The following CACNB4 variants were observed in gnomAD, a reference collection of about 807,000 sequenced individuals.
The protein encoded by CACNB4 is voltage-dependent L-type calcium channel subunit beta-4.
A neutral mutation model predicts 71.2 loss-of-function variants in CACNB4; 32 were observed. That is an observed-to-expected ratio of 0.45 (90% confidence interval 0.34 to 0.60). The LOEUF is 0.60. Ranked by LOEUF, CACNB4 falls within the 20% of genes least tolerant of loss-of-function variation. CACNB4 has a pLI of 0.01. For missense variants in CACNB4, 464 were observed against 647.9 expected (o/e 0.72, Z 3.08); for synonymous variants, 231 against 236.9 (o/e 0.97, Z 0.23).
At chr2:151,926,986 T>C (rs555180512) in intron 2 of CACNB4, among the ~76,000 whole-genome samples, 3 of 152,334 alleles carry the variant, frequency 2.0e-5, no homozygotes, top group South Asian at 4.1e-4. Flanking sequence ...TTTTGATCAG[T>C]ATATTAATAT....
At chr2:152,035,757 C>T (rs2946624) in intron 2 of CACNB4, among the ~76,000 whole-genome samples, 150,858 of 151,738 alleles carry the variant, frequency 0.99, 75,003 homozygotes, top group Middle Eastern at 1. Context: ...CCAACAGACA[C>T]TTCTCAAGCT....
chr2:151,982,441 G>C (rs1045342321), intron 2 of CACNB4, among the ~76,000 whole-genome samples: 19 of 151,956 alleles, frequency 1.3e-4, no homozygotes, highest in Non-Finnish European at 2.9e-5. Context: ...AGACCATCCT[G>C]GCTAACACAG....
chr2:151,922,926 G>T (rs2099859327), intron 2 of CACNB4, among the ~76,000 whole-genome samples: 1 of 152,170 alleles, frequency 6.6e-6, no homozygotes, highest in Non-Finnish European at 1.5e-5. Flanking sequence ...ACCTCAAGTT[G>T]GAATCTCTCT....
intron 2 of CACNB4, among the ~76,000 whole-genome samples, chr2:151,886,901 T>C (rs1034325164): frequency 1.3e-5 from 2 of 152,062 alleles, no homozygotes; most frequent in Non-Finnish European, 2.9e-5. Context: ...AAAGGATCTG[T>C]GTTATTTACA....
chr2:152,060,673 A>G (rs1685959502), intron 2 of CACNB4, among the ~76,000 whole-genome samples: 1 of 152,258 alleles, frequency 6.6e-6, no homozygotes, highest in African/African-American at 2.4e-5. Flanking sequence ...ATCAGCATCA[A>G]GAAAATATAA....
chr2:152,076,237 G>T (rs1338679449), intron 2 of CACNB4, among the ~76,000 whole-genome samples: 2 of 143,000 alleles, frequency 1.4e-5, no homozygotes, highest in Non-Finnish European at 3.0e-5. Flanking sequence ...CTGCCTCCCA[G>T]GTACAAGCAA....
intron 2 of CACNB4, among the ~76,000 whole-genome samples, chr2:152,070,009 A>AT (rs951395509): frequency 6.6e-6 from 1 of 151,658 alleles, no homozygotes. Context: ...CGCCTGGCTA[A>AT]TTTTTTTGTA....
At chr2:151,974,958 G>A (rs562095750) in intron 2 of CACNB4, among the ~76,000 whole-genome samples, 1 of 152,312 alleles carries the variant, frequency 6.6e-6, no homozygotes, top group South Asian at 2.1e-4. Context: ...GACTGACTGG[G>A]TAAGTAATGA....
intron 2 of CACNB4, chr2:151,972,704 TTG>T (rs1306106937): frequency 3.5e-5 from 5 of 143,008 alleles, no homozygotes; most frequent in African/African-American, 1.3e-4. Context: ...TTTTTGTTTT[TTG>T]TTTTTTTTTT....
rs1031674541 is a variant in CACNB4, at chr2:151,838,886, T to C, written c.*233A>G. 1.5e-5 allele frequency: 6 copies of C among 397,090 alleles called. No individual in the cohort carries two copies. Among genetic ancestry groups the C allele is most frequent in the Non-Finnish European group, 1.8e-5 (4 of 221,022 alleles). The allele number at this position is 397,090 out of a possible 1,614,324, so 24.6% of individuals were successfully genotyped here. On this transcript the variant is annotated 3_prime_UTR_variant, in exon 14 of 14. Transcript: ENST00000539935. The stretch of plus-strand genomic sequence containing the variant: ...AATCTATGAAGAAAACAAAATGTAC[T>C]GTTATCATGTAAATGTTGCACTTAA...
intron 9 of CACNB4, chr2:151,861,854 A>AAAAAAAAAAAAAAAAAAAAC (rs1559883066): frequency 6.7e-6 from 1 of 150,114 alleles, no homozygotes; most frequent in African/African-American, 2.5e-5. Context: ...AAAAAAAAAA[A>AAAAAAAAAAAAAAAAAAAAC]AAAACTGAAG....
chr2:151,914,889 C>A (rs1264195249), intron 2 of CACNB4, among the ~76,000 whole-genome samples: 1 of 152,200 alleles, frequency 6.6e-6, no homozygotes. Flanking sequence ...GAGGCACCAA[C>A]CTGATGCCAG....
At chr2:151,952,364 G>A (rs112305492) in intron 2 of CACNB4, among the ~76,000 whole-genome samples, 518 of 152,212 alleles carry the variant, frequency 3.4e-3, no homozygotes, top group Middle Eastern at 0.02. Flanking sequence ...GCAAAATACA[G>A]ACTACTCTTT....
chr2:151,982,449 C>T (rs768587903), intron 2 of CACNB4, among the ~76,000 whole-genome samples: 2 of 152,052 alleles, frequency 1.3e-5, no homozygotes, highest in African/African-American at 2.4e-5. Context: ...CTGGCTAACA[C>T]AGTGAAACCC....
intron 2 of CACNB4, among the ~76,000 whole-genome samples, chr2:152,010,759 C>T (rs948017587): frequency 6.6e-6 from 1 of 152,190 alleles, no homozygotes; most frequent in Admixed American, 6.5e-5. Context: ...CCTGCCCAAC[C>T]AGGGTCAATG....
intron 2 of CACNB4, among the ~76,000 whole-genome samples, chr2:152,015,281 C>T (rs930438692): frequency 2.0e-5 from 3 of 152,066 alleles, no homozygotes; most frequent in Non-Finnish European, 2.9e-5. Flanking sequence ...TACAGGCACC[C>T]GCCACCATGC....
At chr2:151,989,289 T>G (rs1218754473) in intron 2 of CACNB4, among the ~76,000 whole-genome samples, 1 of 152,216 alleles carries the variant, frequency 6.6e-6, no homozygotes, top group East Asian at 1.9e-4. Context: ...TATCTGTCCT[T>G]CATAGCCAAC....
At position 151,838,086 on chromosome 2, in the gene CACNB4, G is replaced by C. The variant is rs775003939; in HGVS notation, c.*1033C>G. 15 of 152,176 alleles carry C rather than the reference G, an allele frequency of 9.9e-5. No individual in the cohort carries two copies. Among genetic ancestry groups the C allele is most frequent in the Non-Finnish European group, 1.5e-4 (10 of 68,014 alleles). The allele number at this position is 152,176 out of a possible 1,614,324, so 9.4% of individuals were successfully genotyped here. On this transcript the variant is annotated 3_prime_UTR_variant, in exon 14 of 14. Coordinates refer to ENST00000539935, the MANE Select transcript of CACNB4 (RefSeq NM_000726.5). Reference sequence around the variant, plus strand: ...AAGCAATGGAAAGATACTCAATCTTGTTGGCAGGAAATACAGACCCTGCGT... The same window carrying C: ...AAGCAATGGAAAGATACTCAATCTTCTTGGCAGGAAATACAGACCCTGCGT...
chr2:151,979,739 G>C (rs771871129), intron 2 of CACNB4, among the ~76,000 whole-genome samples: 1 of 152,232 alleles, frequency 6.6e-6, no homozygotes, highest in Admixed American at 6.5e-5. Context: ...GACAGACAGG[G>C]ATGGCGTGGC....
Sources: allele counts gnomAD v4.1 joint callset (sites outside exome capture counted in the v4.1 genomes callset), GRCh38; gene constraint gnomAD v4.1.1; transcripts MANE v1.5; gene names NCBI Gene and HGNC (gene_info 2026-07-23, HGNC 2026-07-21).